Variants in DYRK1A observed in about 807,000 individuals in gnomAD.
DYRK1A encodes dual specificity tyrosine-phosphorylation-regulated kinase 1A.
In DYRK1A, 9 loss-of-function variants were observed where a neutral mutation model predicts 79.7. The ratio of observed to expected loss-of-function variants is 0.11; its 90% confidence interval spans 0.07 to 0.20. DYRK1A has a LOEUF of 0.20. Among genes scored for constraint, DYRK1A ranks in the 10% least tolerant of loss-of-function variants. DYRK1A has a pLI of 1.00. For missense variants in DYRK1A, 622 were observed against 956.0 expected (o/e 0.65, Z 4.61); for synonymous variants, 349 against 329.7 (o/e 1.06, Z -0.63).
intron 1 of DYRK1A, among the ~76,000 whole-genome samples, chr21:37,413,796 G>A (rs893259676): frequency 6.6e-6 from 1 of 152,012 alleles, no homozygotes; most frequent in Non-Finnish European, 1.5e-5. Flanking sequence ...ATTTTGTGTA[G>A]GTGACATAAA....
At chr21:37,473,676 T>C (rs967896805) in intron 3 of DYRK1A, among the ~76,000 whole-genome samples, 5 of 152,172 alleles carry the variant, frequency 3.3e-5, no homozygotes, top group African/African-American at 1.2e-4. Context: ...ATAAAAGAGT[T>C]GGGAGATTTA....
rs149570212 is a variant in DYRK1A at position 37,497,897 on chromosome 21, C to T, written c.1212+1639C>T. On this transcript the variant is annotated intron_variant, in intron 9 of 11. Coordinates refer to ENST00000647188, the MANE Select transcript of DYRK1A (RefSeq NM_001347721.2). Reference sequence around the variant, plus strand: ...TTTTATGAGATTTATTTTAGTCGCACTTAGCAATTGACTTAAGCAACTTAA... The same window carrying T: ...TTTTATGAGATTTATTTTAGTCGCATTTAGCAATTGACTTAAGCAACTTAA... Among the ~76,000 whole-genome samples the T allele has an allele frequency of 4.1e-3, 618 of 152,158 alleles. 9 individuals are homozygous for T. The highest frequency in any genetic ancestry group is 0.014 in the African/African-American group (590 of 41,522).
At chr21:37,372,626 T>C (rs963896141) in intron 1 of DYRK1A, among the ~76,000 whole-genome samples, 7 of 152,106 alleles carry the variant, frequency 4.6e-5, no homozygotes, top group East Asian at 1.9e-4. Flanking sequence ...TGTGTGACTT[T>C]AGGTACAGTG....
At chr21:37,413,487 A>G (rs2050280066) in intron 1 of DYRK1A, among the ~76,000 whole-genome samples, 1 of 152,140 alleles carries the variant, frequency 6.6e-6, no homozygotes, top group Non-Finnish European at 1.5e-5. Flanking sequence ...AGGGAGAGAG[A>G]GCAAGGCAGT....
rs1602395736 is a variant in DYRK1A at position 37,394,275 on chromosome 21, G to A, written c.-76-26024G>A. On this transcript the variant is annotated intron_variant, in intron 1 of 11. Transcript: ENST00000647188. The stretch of plus-strand genomic sequence containing the variant: ...AAATTTTATTATTATTATGCTTTAA[G>A]TTTTAGGGTACATGTGCACAACATG... Among the ~76,000 whole-genome samples, 3 of 137,158 alleles carry A rather than the reference G, an allele frequency of 2.2e-5. No homozygotes were observed. In the East Asian group the frequency reaches 6.3e-4, roughly 29 times the overall value. The allele number at this position is 137,158 out of a possible 152,430, so 90.0% of individuals were successfully genotyped here.
intron 1 of DYRK1A, among the ~76,000 whole-genome samples, chr21:37,398,091 T>A (rs901211140): frequency 7.1e-6 from 1 of 141,320 alleles, no homozygotes; most frequent in African/African-American, 2.7e-5. Context: ...ATATATATAT[T>A]TATATTTATA....
intron 2 of DYRK1A, among the ~76,000 whole-genome samples, chr21:37,439,836 C>G (rs954377843): frequency 1.3e-5 from 2 of 152,058 alleles, no homozygotes; most frequent in African/African-American, 4.8e-5. Context: ...AATGTTTTTT[C>G]TGCATCTCCC....
chr21:37,373,899 A>G (rs2049483680), intron 1 of DYRK1A, among the ~76,000 whole-genome samples: 1 of 152,234 alleles, frequency 6.6e-6, no homozygotes, highest in South Asian at 2.1e-4. Flanking sequence ...AAGCTTCCAG[A>G]AATAGACTTT....
chr21:37,452,563 G>C (rs2051488739), intron 2 of DYRK1A, among the ~76,000 whole-genome samples: 1 of 152,104 alleles, frequency 6.6e-6, no homozygotes, highest in Admixed American at 6.5e-5. Context: ...CTTTTCTATA[G>C]CAGTGAGTGC....
At chr21:37,438,555 T>A (rs2050993893) in intron 2 of DYRK1A, among the ~76,000 whole-genome samples, 2 of 152,212 alleles carry the variant, frequency 1.3e-5, no homozygotes, top group African/African-American at 4.8e-5. Flanking sequence ...GATATTCATT[T>A]ATTGTAGAAC....
chr21:37,452,895 A>T (rs1321995116), intron 2 of DYRK1A, among the ~76,000 whole-genome samples: 1 of 152,138 alleles, frequency 6.6e-6, no homozygotes, highest in Non-Finnish European at 1.5e-5. Flanking sequence ...AGCACTGCCA[A>T]TAGAAATGTA....
At chr21:37,373,405 A>G (rs921371780) in intron 1 of DYRK1A, among the ~76,000 whole-genome samples, 1 of 151,934 alleles carries the variant, frequency 6.6e-6, no homozygotes, top group African/African-American at 2.4e-5. Context: ...TTTAAGAGTT[A>G]CGATAAATTT....
chr21:37,431,566 C>T (rs1021044141), intron 2 of DYRK1A, among the ~76,000 whole-genome samples: 2 of 152,330 alleles, frequency 1.3e-5, no homozygotes, highest in East Asian at 3.9e-4. Flanking sequence ...CCCATTACCT[C>T]CTGTGAGCAG....
chr21:37,496,052 A>C, intron 8 of DYRK1A, 66 bp from the exon 9 acceptor site: 1 of 1,492,104 alleles, frequency 6.7e-7, no homozygotes. Context: ...TGAATGAATG[A>C]CTTGATGAGC....
intron 11 of DYRK1A, among the ~76,000 whole-genome samples, chr21:37,507,284 TG>T (rs1306446499): frequency 4.6e-5 from 7 of 152,336 alleles, no homozygotes; most frequent in African/African-American, 1.7e-4. Context: ...CCTGCCATCA[TG>T]GGGGCTTTGC....
chr21:37,498,323 A>G (rs1377243643), intron 9 of DYRK1A, among the ~76,000 whole-genome samples: 1 of 152,206 alleles, frequency 6.6e-6, no homozygotes, highest in Non-Finnish European at 1.5e-5. Context: ...ACCAATATGA[A>G]AGATTTCTAT....
In DYRK1A at chr21:37,480,669, A is replaced by G; in HGVS notation, c.332A>G (p.Gln111Arg). 1.2e-6 allele frequency: 2 copies of G among 1,601,284 alleles called. No homozygotes were observed. Among genetic ancestry groups the G allele is most frequent in the Non-Finnish European group, 1.7e-6 (2 of 1,176,156 alleles). ...TATGCAAAAAAGAAGCGAAGACACC[A>G]ACAGGGCCAGGGAGACGATTCTAGT... is the stretch of plus-strand genomic sequence containing the variant. ...VYYAKKKRRH[Q>R]QGQGDDSSHK... The change falls in exon 5 of 12, where the codon CAA becomes CGA. Residue 111 changes from glutamine to arginine, a missense_variant. Around this residue, in one of 5 missense-constraint regions of DYRK1A, gnomAD observed 138 missense variants for 346.4 expected, o/e 0.40. Coordinates refer to ENST00000647188, the MANE Select transcript of DYRK1A (RefSeq NM_001347721.2).
chr21:37,375,981 C>T (rs549832175), intron 1 of DYRK1A, among the ~76,000 whole-genome samples: 1 of 152,032 alleles, frequency 6.6e-6, no homozygotes, highest in Admixed American at 6.6e-5. Flanking sequence ...CCAATATAAA[C>T]CTGAAACCGC....
At chr21:37,507,257 GCCCTGATCCCCT>G (rs2053624003) in intron 11 of DYRK1A, among the ~76,000 whole-genome samples, 1 of 152,098 alleles carries the variant, frequency 6.6e-6, no homozygotes, top group Admixed American at 6.5e-5. Context: ...CCCACTCATT[GCCCTGATCCCCT>G]CTCTCCTGCC....
Sources: allele counts gnomAD v4.1 joint callset (sites outside exome capture counted in the v4.1 genomes callset), GRCh38; gene constraint gnomAD v4.1.1; regional missense constraint gnomAD v4.1.1; transcripts MANE v1.5; gene names NCBI Gene and HGNC (gene_info 2026-07-23, HGNC 2026-07-21).